Variants in NRG3 observed in about 807,000 individuals in gnomAD.
NRG3 encodes the protein neuregulin 3.
Under a neutral mutation model 66.9 loss-of-function variants are expected in NRG3, and 31 were observed. That is an observed-to-expected ratio of 0.46 (90% CI 0.35 to 0.63). The LOEUF is 0.63. Among genes scored for constraint, NRG3 ranks in the 20% least tolerant of loss-of-function variants. NRG3 has a pLI of 0.00. For synonymous variants in NRG3, 393 were observed against 359.4 expected (o/e 1.09, Z -1.06); for missense variants, 910 against 878.9 (o/e 1.04, Z -0.45).
chr10:82,864,257 T>G (rs1591766364), intron 3 of NRG3, among the ~76,000 whole-genome samples: 1 of 152,130 alleles, frequency 6.6e-6, no homozygotes, highest in South Asian at 2.1e-4. Flanking sequence ...ACTTAATAAT[T>G]AATGACACTG....
chr10:81,998,903 G>A (rs1398242059), intron 1 of NRG3, among the ~76,000 whole-genome samples: 1 of 152,068 alleles, frequency 6.6e-6, no homozygotes, highest in Non-Finnish European at 1.5e-5. Context: ...TGCAACCTTC[G>A]CCTCCCAGGT....
intron 1 of NRG3, among the ~76,000 whole-genome samples, chr10:81,879,609 A>C (rs957282823): frequency 2.0e-5 from 3 of 152,220 alleles, no homozygotes; most frequent in African/African-American, 7.2e-5. Flanking sequence ...GTTAATTATA[A>C]TGAACATCAC....
At chr10:82,558,537 A>AG (rs1212589562) in intron 2 of NRG3, among the ~76,000 whole-genome samples, 1 of 152,150 alleles carries the variant, frequency 6.6e-6, no homozygotes, top group African/African-American at 2.4e-5. Flanking sequence ...GCTGGAACTG[A>AG]GGGGGTTCCT....
At position 81,875,891 on chromosome 10, in the gene NRG3, C is replaced by T. The variant is rs1259873172; in HGVS notation, c.551C>T (p.Ala184Val). ...CGGGCCAGCCCGCGCTCCACCACAG[C>T]ACGGAACACTGCGGCCCCTGCGACG... is the stretch of plus-strand genomic sequence containing the variant. ...PIRASPRSTT[A>V]RNTAAPATVP... Residue 184 changes from alanine (A) to valine (V), a missense_variant, in exon 1 of 9, where the codon GCA becomes GTA. Coordinates refer to ENST00000372141, the MANE Select transcript of NRG3 (RefSeq NM_001010848.4). The surrounding 1 kb of genome is among the most constrained non-coding windows in gnomAD (Gnocchi z 5.3). 7 of 1,612,124 alleles carry T rather than the reference C, an allele frequency of 4.3e-6. No homozygotes were observed. Among genetic ancestry groups the T allele is most frequent in the African/African-American group, 1.3e-5 (1 of 74,948 alleles).
At chr10:82,583,519 T>A (rs1018127900) in intron 2 of NRG3, among the ~76,000 whole-genome samples, 1 of 152,244 alleles carries the variant, frequency 6.6e-6, no homozygotes, top group Admixed American at 6.5e-5. Flanking sequence ...TATTTGGTAC[T>A]GTGTTTGTCA....
intron 3 of NRG3, among the ~76,000 whole-genome samples, chr10:82,832,710 A>C (rs528120559): frequency 6.6e-6 from 1 of 152,270 alleles, no homozygotes; most frequent in East Asian, 1.9e-4. Flanking sequence ...TGCCAAGATA[A>C]AATTATGTAT....
At chr10:82,452,957 G>C (rs1031562836) in intron 2 of NRG3, among the ~76,000 whole-genome samples, 5 of 152,012 alleles carry the variant, frequency 3.3e-5, no homozygotes, top group Admixed American at 1.3e-4. Flanking sequence ...AGATGCAAGG[G>C]GTTCTATATA....
chr10:82,873,545 G>A (rs1841531886), intron 4 of NRG3, among the ~76,000 whole-genome samples: 1 of 152,166 alleles, frequency 6.6e-6, no homozygotes, highest in African/African-American at 2.4e-5. Context: ...TTTGGAAGGT[G>A]CAATAATCAC....
intron 1 of NRG3, among the ~76,000 whole-genome samples, chr10:82,151,925 TGTAATAGTACATGTTTTTTTAG>T (rs561897432): frequency 1.3e-5 from 2 of 152,312 alleles, no homozygotes; most frequent in East Asian, 3.9e-4. Context: ...TAAGGGGAAT[TGTAATAGTACATGTTTTTTTAG>T]GTCATTAAGA....
intron 2 of NRG3, among the ~76,000 whole-genome samples, chr10:82,697,042 A>G (rs1172940009): frequency 1.3e-5 from 2 of 152,178 alleles, no homozygotes; most frequent in Non-Finnish European, 2.9e-5. Flanking sequence ...ACTTTCAAAT[A>G]TTATGGTACA....
At chr10:82,913,579 G>A (rs979636168) in intron 4 of NRG3, among the ~76,000 whole-genome samples, 1 of 152,112 alleles carries the variant, frequency 6.6e-6, no homozygotes, top group Non-Finnish European at 1.5e-5. Context: ...ATTCTAAATT[G>A]GTGATGGTGG....
chr10:82,073,215 A>G (rs1157170457), intron 1 of NRG3, among the ~76,000 whole-genome samples: 1 of 152,196 alleles, frequency 6.6e-6, no homozygotes, highest in Non-Finnish European at 1.5e-5. Flanking sequence ...ACAACAAAAT[A>G]AAGGAGAGTT....
At chr10:82,319,837 A>T (rs1246905011) in intron 1 of NRG3, among the ~76,000 whole-genome samples, 2 of 152,180 alleles carry the variant, frequency 1.3e-5, no homozygotes, top group Non-Finnish European at 2.9e-5. Flanking sequence ...TTGGGGACAG[A>T]TGGTTAGAGA....
At chr10:82,938,372 G>A (rs1342064009) in intron 4 of NRG3, among the ~76,000 whole-genome samples, 1 of 152,184 alleles carries the variant, frequency 6.6e-6, no homozygotes, top group Non-Finnish European at 1.5e-5. Context: ...TGTTTCTAAT[G>A]TATAGCCAGA....
chr10:82,786,538 TG>T (rs2060372534), intron 3 of NRG3, among the ~76,000 whole-genome samples: 2 of 152,086 alleles, frequency 1.3e-5, no homozygotes, highest in South Asian at 4.1e-4. Context: ...GGCTCACAGA[TG>T]GAGGGGAATT....
chr10:82,130,404 T>G (rs1375680585), intron 1 of NRG3, among the ~76,000 whole-genome samples: 28 of 150,572 alleles, frequency 1.9e-4, no homozygotes, highest in Admixed American at 1.8e-3. Flanking sequence ...CAGGCCCCAG[T>G]GTGTGATGTT....
At chr10:82,164,784 G>A (rs1355041120) in intron 1 of NRG3, among the ~76,000 whole-genome samples, 1 of 152,160 alleles carries the variant, frequency 6.6e-6, no homozygotes, top group African/African-American at 2.4e-5. Flanking sequence ...GGGAAGGAAA[G>A]CAAATAAGAG....
chr10:82,021,783 AGTATGTGTGTGT>A (rs1210431499), intron 1 of NRG3, among the ~76,000 whole-genome samples: 8,134 of 146,452 alleles, frequency 0.056, 303 homozygotes, highest in Admixed American at 0.094. Context: ...TTGGGCATGT[AGTATGTGTGTGT>A]GTGTGTGTGT....
At chr10:82,258,776 G>A (rs1194661824) in intron 1 of NRG3, among the ~76,000 whole-genome samples, 3 of 152,194 alleles carry the variant, frequency 2.0e-5, no homozygotes, top group Admixed American at 6.5e-5. Flanking sequence ...GGAATGTGAA[G>A]GTTGGAGGTG....
Sources: gnomAD v4.1 joint callset for allele counts (sites outside exome capture counted in the v4.1 genomes callset) on GRCh38, gnomAD v4.1.1 for gene constraint, Gnocchi (gnomAD v3.1) non-coding constraint, MANE v1.5 for transcripts, NCBI Gene and HGNC (gene_info 2026-07-23, HGNC 2026-07-21) for gene names.